The following CDH23 variants were observed in gnomAD, a reference collection of about 807,000 sequenced individuals.
The protein encoded by CDH23 is cadherin related 23.
CDH23 carries 189 observed loss-of-function variants against 317.1 expected under a neutral mutation model. The observed-to-expected ratio is 0.60, with a 90% CI of 0.53 to 0.67. The LOEUF (loss-of-function observed/expected upper bound fraction) is 0.67. CDH23 is among the 30% of genes least tolerant of loss of function. The pLI is 0.00. For synonymous variants in CDH23, 1,839 were observed against 1,876.8 expected (o/e 0.98, Z 0.52); for missense variants, 4,401 against 4,592.4 (o/e 0.96, Z 1.20).
intron 3 of CDH23, among the ~76,000 whole-genome samples, chr10:71,453,522 G>T (rs1392789545): frequency 2.0e-5 from 3 of 152,234 alleles, no homozygotes; most frequent in African/African-American, 7.2e-5. Context: ...CAGGCACGGA[G>T]GCATAGGTGA....
intron 1 of CDH23, among the ~76,000 whole-genome samples, chr10:71,428,716 G>C (rs894992004): frequency 6.6e-6 from 1 of 152,120 alleles, no homozygotes; most frequent in African/African-American, 2.4e-5. Flanking sequence ...AGCCTCCTGA[G>C]TAGCTGGGAT....
At chr10:71,796,185 A>T in intron 48 of CDH23, 1 of 767,480 alleles carries the variant, frequency 1.3e-6, no homozygotes, top group Non-Finnish European at 1.6e-6. Context: ...TGAGAGGGAG[A>T]GGAGGTCTCA....
At chr10:71,810,955 C>T (rs953610026) in intron 62 of CDH23, among the ~76,000 whole-genome samples, 4 of 152,016 alleles carry the variant, frequency 2.6e-5, no homozygotes, top group African/African-American at 9.7e-5. Flanking sequence ...TGGCACACAC[C>T]TGTAATCCCA....
At chr10:71,718,115 C>T (rs1277841208) in intron 28 of CDH23, among the ~76,000 whole-genome samples, 1 of 152,170 alleles carries the variant, frequency 6.6e-6, no homozygotes, top group Admixed American at 6.5e-5. Flanking sequence ...GCAGATTTTC[C>T]TCCTTCCCAG....
At chr10:71,605,206 C>T (rs892131375) in intron 9 of CDH23, among the ~76,000 whole-genome samples, 1 of 150,686 alleles carries the variant, frequency 6.6e-6, no homozygotes, top group Non-Finnish European at 1.5e-5. Context: ...AGTTGTAGAA[C>T]TTTGGGGATT....
At chr10:71,562,075 G>GT (rs1857159463) in intron 6 of CDH23, among the ~76,000 whole-genome samples, 1 of 152,088 alleles carries the variant, frequency 6.6e-6, no homozygotes, top group South Asian at 2.1e-4. Context: ...CAGGCCTCTT[G>GT]GTGCTGCTTC....
In CDH23 at chr10:71,403,422, TTCC is replaced by T. The variant is rs1847922833; in HGVS notation, c.-6+6106_-6+6108del. On this transcript the variant is annotated intron_variant, in intron 1 of 69. Coordinates refer to ENST00000224721, the MANE Select transcript of CDH23 (RefSeq NM_022124.6). ...TTCTTTCTTTCTCTTCCTTCCTTCC[TTCC>T]TTCCTTCCTTCCTTCCTTCCTTCCT... is the stretch of plus-strand genomic sequence containing the variant. 7.6e-5 allele frequency among the ~76,000 whole-genome samples: 5 copies of T among 65,462 alleles called. No homozygotes were observed. In the Admixed American group the frequency reaches 7.9e-4, roughly 10 times the overall value. The allele number at this position is 65,462 out of a possible 152,430, so 42.9% of individuals were successfully genotyped here.
intron 38 of CDH23, among the ~76,000 whole-genome samples, chr10:71,773,969 T>C (rs1224786273): frequency 2.0e-5 from 3 of 151,934 alleles, no homozygotes; most frequent in African/African-American, 7.3e-5. Context: ...GAATGAAATC[T>C]GACATTGTGA....
chr10:71,553,827 T>C (rs1564649310), intron 6 of CDH23, among the ~76,000 whole-genome samples: 1 of 152,206 alleles, frequency 6.6e-6, no homozygotes, highest in South Asian at 2.1e-4. Context: ...CTCAGGGCAG[T>C]GTTAGAGGCT....
chr10:71,699,574 G>A (rs1865510699), intron 22 of CDH23, among the ~76,000 whole-genome samples: 1 of 152,220 alleles, frequency 6.6e-6, no homozygotes, highest in Non-Finnish European at 1.5e-5. Context: ...TGTCTGCAAG[G>A]GAGATTTTGG....
intron 38 of CDH23, among the ~76,000 whole-genome samples, chr10:71,776,968 G>A (rs996038447): frequency 2.6e-5 from 4 of 152,230 alleles, no homozygotes; most frequent in African/African-American, 9.6e-5. Flanking sequence ...ATTCTTGAGT[G>A]CTGATTGCCG....
chr10:71,530,044 C>CACACACACACACAT (rs1855276907), intron 6 of CDH23, among the ~76,000 whole-genome samples: 1 of 149,734 alleles, frequency 6.7e-6, no homozygotes. Context: ...GACACACACA[C>CACACACACACACAT]ACACACACAC....
At position 71,811,844 on chromosome 10, in the gene CDH23, C is replaced by T. The variant is rs1841940121; in HGVS notation, c.9319+91C>T. 1.6e-5 allele frequency: 26 copies of T among 1,582,158 alleles called. 1 individual carries two copies. The South Asian group carries it at 2.1e-4, about 12-fold the overall frequency. ...CGGAGCCACAAGCCTGGCTCAGGCC[C>T]TTCACTGGGCCCAGGACCATGCCCC... On this transcript the variant is annotated intron_variant, in intron 65 of 69. Transcript: ENST00000224721.
At chr10:71,761,039 G>T in intron 38 of CDH23, 1 of 1,033,674 alleles carries the variant, frequency 9.7e-7, no homozygotes. Context: ...TGCCTACTCG[G>T]CAGTGTTGGC....
At chr10:71,687,574 T>G in intron 18 of CDH23, 73 bp from the exon 19 acceptor site, 1 of 1,377,198 alleles carries the variant, frequency 7.3e-7, no homozygotes, top group Non-Finnish European at 1.0e-6. Context: ...GACTCCTTGG[T>G]GCCCACCTTA....
At chr10:71,736,601 G>A (rs1839572673) in intron 34 of CDH23, among the ~76,000 whole-genome samples, 1 of 152,164 alleles carries the variant, frequency 6.6e-6, no homozygotes, top group South Asian at 2.1e-4. Flanking sequence ...CTGGGAACCT[G>A]TCCTCCTTCC....
rs148361187 is a variant in CDH23 at position 71,677,537 on chromosome 10, G to A, written c.1596G>A (p.Thr532=). The A allele has an allele frequency of 6.8e-6, 11 of 1,612,058 alleles. No individual in the cohort carries two copies. In the Admixed American group the frequency reaches 8.4e-5, roughly 12 times the overall value. Residue 532 remains threonine, a synonymous_variant, in exon 16 of 70, where the codon ACG becomes ACA. Transcript: ENST00000224721. ...DYELIQRFTL[T]IIARDGGGEE... ...AGCTCATCCAGCGCTTCACCCTGAC[G>A]ATCATTGCCCGGGACGGGGGCGGCG...
At chr10:71,784,863 C>T (rs775083251) in intron 42 of CDH23, 28 bp from the exon 43 acceptor site, 5 of 1,594,116 alleles carry the variant, frequency 3.1e-6, no homozygotes, top group African/African-American at 1.3e-5. Flanking sequence ...TCTTCCTCCC[C>T]TCCCTCCTCC....
intron 15 of CDH23, 146 bp downstream of exon 15, chr10:71,675,322 T>C: frequency 3.0e-6 from 2 of 667,286 alleles, no homozygotes; most frequent in South Asian, 3.6e-5. Flanking sequence ...TTGGAACCCA[T>C]GGGCACTGTG....
Sources: allele counts gnomAD v4.1 joint callset (sites outside exome capture counted in the v4.1 genomes callset), GRCh38; gene constraint gnomAD v4.1.1; transcripts MANE v1.5; gene names NCBI Gene and HGNC (gene_info 2026-07-23, HGNC 2026-07-21).